The following LMX1A variants were observed in gnomAD, a reference collection of about 807,000 sequenced individuals.
LMX1A encodes the protein LIM homeobox transcription factor 1-alpha.
LMX1A carries 15 observed loss-of-function variants against 49.1 expected under a neutral mutation model. The observed-to-expected ratio is 0.31, with a 90% confidence interval of 0.20 to 0.47. The LOEUF (loss-of-function observed/expected upper bound fraction) is 0.47. LMX1A is among the 20% of genes least tolerant of loss of function. The probability of loss-of-function intolerance (pLI) is 1.00; values close to 1 mark genes in which losing one functional copy is unlikely to be tolerated. For synonymous variants in LMX1A, 167 were observed against 185.7 expected (o/e 0.90, Z 0.82); for missense variants, 372 against 475.8 (o/e 0.78, Z 2.03).
Position 165,303,931 on chromosome 1 carries a change from C to T in LMX1A, c.263+49145G>A, listed in dbSNP as rs568120359. On this transcript the variant is annotated intron_variant, in intron 3 of 8. Transcript: ENST00000342310. ...CTAGTATATGGGTGGGATTACCCCACGCCAGAGATTGTTGTTTTCTTAAAT... is the reference window on the plus strand; with the variant it reads ...CTAGTATATGGGTGGGATTACCCCATGCCAGAGATTGTTGTTTTCTTAAAT... Among the ~76,000 whole-genome samples the T allele has an allele frequency of 9.9e-5, 15 of 152,128 alleles. No homozygotes were observed. The East Asian group carries it at 1.2e-3, about 12-fold the overall frequency.
At chr1:165,273,534 TC>T (rs1653868206) in intron 3 of LMX1A, among the ~76,000 whole-genome samples, 1 of 152,180 alleles carries the variant, frequency 6.6e-6, no homozygotes, top group Non-Finnish European at 1.5e-5. Flanking sequence ...CCATCTGGGA[TC>T]CTGTATATTG....
chr1:165,203,991 A>G lies in LMX1A; in HGVS notation c.1038T>C (p.Ser346=), dbSNP rs1316517670. Residue 346 remains serine, a synonymous_variant, in exon 9 of 9, where the codon AGT becomes AGC. Coordinates refer to ENST00000342310, the MANE Select transcript of LMX1A (RefSeq NM_177398.4). ...HDLDSDDTSL[S]NLGDCFLATS... is the part of the protein sequence containing the mutation. Reference sequence around the variant, plus strand: ...TTGCTAGGAAACAATCACCCAGGTTACTGAGGGAGGTGTCGTCGCTATCCA... The same window carrying G: ...TTGCTAGGAAACAATCACCCAGGTTGCTGAGGGAGGTGTCGTCGCTATCCA... 6.2e-7 allele frequency: 1 copy of G among 1,614,166 alleles called. No homozygotes were observed. The highest frequency in any genetic ancestry group is 1.1e-5 in the South Asian group (1 of 91,078).
chr1:165,271,141 G>A (rs916104849), intron 3 of LMX1A, among the ~76,000 whole-genome samples: 1 of 152,152 alleles, frequency 6.6e-6, no homozygotes, highest in Non-Finnish European at 1.5e-5. Flanking sequence ...AAGACATGTG[G>A]TCCTGTTATG....
chr1:165,204,979 C>T (rs753541276), intron 8 of LMX1A, among the ~76,000 whole-genome samples: 10 of 151,522 alleles, frequency 6.6e-5, no homozygotes, highest in African/African-American at 1.7e-4. Flanking sequence ...GGAAAGTAGG[C>T]GTGATTTTAA....
At chr1:165,314,385 G>A (rs982804149) in intron 3 of LMX1A, among the ~76,000 whole-genome samples, 25 of 152,152 alleles carry the variant, frequency 1.6e-4, no homozygotes, top group Non-Finnish European at 7.3e-5. Flanking sequence ...TAAGTGCAGG[G>A]TGCTCCCAGG....
intron 3 of LMX1A, among the ~76,000 whole-genome samples, chr1:165,341,653 T>C (rs557290586): frequency 1.3e-5 from 2 of 152,010 alleles, no homozygotes; most frequent in East Asian, 3.9e-4. Flanking sequence ...GAATAGCACA[T>C]AGTAATACAG....
chr1:165,353,127 G>T lies in LMX1A; in HGVS notation c.212C>A (p.Thr71Asn), dbSNP rs1415806882. The T allele has an allele frequency of 1.2e-6, 2 of 1,614,112 alleles. No homozygotes were observed. The highest frequency in any genetic ancestry group is 1.7e-6 in the Non-Finnish European group (2 of 1,180,044). ...QCASCKEPLE[T>N]TCFYRDKKLY... ...CTTCTTGTCCCGGTAGAAGCAGGTG[G>T]TCTCCAGGGGCTCTTTGCAGGAGGC... is the stretch of plus-strand genomic sequence containing the variant. Residue 71 changes from threonine to asparagine, a missense_variant, in exon 3 of 9, where the codon ACC becomes AAC. Physicochemically the swap from Thr to Asn is moderately conservative, Grantham distance 65. Around this residue, in one of 3 missense-constraint regions of LMX1A, gnomAD observed 199 missense variants for 244.0 expected, o/e 0.82. Transcript: ENST00000342310.
intron 4 of LMX1A, among the ~76,000 whole-genome samples, chr1:165,236,852 G>GTTT (rs11302510): frequency 4.2e-5 from 6 of 144,368 alleles, no homozygotes; most frequent in East Asian, 2.0e-4. Flanking sequence ...GGAGTTCAAA[G>GTTT]TTTTTTTTTT....
At chr1:165,237,181 C>T (rs1652480223) in intron 4 of LMX1A, among the ~76,000 whole-genome samples, 1 of 152,170 alleles carries the variant, frequency 6.6e-6, no homozygotes, top group Admixed American at 6.5e-5. Flanking sequence ...CACTGCTTTC[C>T]CACCCTCACT....
At chr1:165,284,783 C>A (rs573644031) in intron 3 of LMX1A, among the ~76,000 whole-genome samples, 44 of 152,346 alleles carry the variant, frequency 2.9e-4, no homozygotes, top group African/African-American at 1.1e-3. Flanking sequence ...CGCCGTAGCA[C>A]CCTCATGGGA....
intron 4 of LMX1A, among the ~76,000 whole-genome samples, chr1:165,222,858 T>C (rs58158811): frequency 0.017 from 2,620 of 152,254 alleles, 78 homozygotes; most frequent in African/African-American, 0.06. Flanking sequence ...TAACAGGCTA[T>C]CTGAAAGAGC....
At chr1:165,245,016 C>T (rs1652792790) in intron 4 of LMX1A, among the ~76,000 whole-genome samples, 1 of 152,118 alleles carries the variant, frequency 6.6e-6, no homozygotes, top group Admixed American at 6.6e-5. Context: ...TTTGGTATCC[C>T]ATGTAGCTGT....
chr1:165,266,005 T>C (rs975419060), intron 3 of LMX1A, among the ~76,000 whole-genome samples: 25 of 152,178 alleles, frequency 1.6e-4, no homozygotes, highest in Admixed American at 1.2e-3. Flanking sequence ...GTTTTATTCA[T>C]ATATACAACA....
At chr1:165,230,581 A>G (rs1652204513) in intron 4 of LMX1A, among the ~76,000 whole-genome samples, 2 of 152,332 alleles carry the variant, frequency 1.3e-5, no homozygotes, top group South Asian at 2.1e-4. Flanking sequence ...CATTGCTCAC[A>G]AATCTCTACA....
At chr1:165,309,458 T>C (rs1655013314) in intron 3 of LMX1A, among the ~76,000 whole-genome samples, 1 of 152,224 alleles carries the variant, frequency 6.6e-6, no homozygotes, top group Non-Finnish European at 1.5e-5. Context: ...AAGGGCACCC[T>C]GTGACCTTCC....
At chr1:165,342,665 G>C (rs1557890680) in intron 3 of LMX1A, among the ~76,000 whole-genome samples, 1 of 152,086 alleles carries the variant, frequency 6.6e-6, no homozygotes, top group Non-Finnish European at 1.5e-5. Context: ...TACAAACAAA[G>C]AGGCAATCCC....
intron 3 of LMX1A, among the ~76,000 whole-genome samples, chr1:165,326,813 A>G (rs1181472506): frequency 6.6e-6 from 1 of 152,182 alleles, no homozygotes; most frequent in East Asian, 1.9e-4. Flanking sequence ...GTGATCCCCA[A>G]CTAGGAGAGA....
intron 3 of LMX1A, among the ~76,000 whole-genome samples, chr1:165,264,478 G>A (rs985015093): frequency 6.6e-6 from 1 of 152,134 alleles, no homozygotes; most frequent in African/African-American, 2.4e-5. Flanking sequence ...GCATGCTACA[G>A]CCAGAAGTTT....
intron 4 of LMX1A, among the ~76,000 whole-genome samples, chr1:165,239,057 A>G (rs1371830463): frequency 1.1e-5 from 1 of 95,026 alleles, no homozygotes; most frequent in Non-Finnish European, 2.0e-5. Flanking sequence ...CATCATTATC[A>G]TCATCATCAT....
Sources: gnomAD v4.1 joint callset for allele counts (sites outside exome capture counted in the v4.1 genomes callset) on GRCh38, gnomAD v4.1.1 for gene constraint, gnomAD v4.1.1 regional missense constraint, MANE v1.5 for transcripts, NCBI Gene and HGNC (gene_info 2026-07-23, HGNC 2026-07-21) for gene names.